The following CDH13 variants were observed in gnomAD, a reference collection of about 807,000 sequenced individuals.
The protein encoded by CDH13 is cadherin-13.
In CDH13, 24 loss-of-function variants were observed where a neutral mutation model predicts 63.8. The observed-to-expected ratio is 0.38, with a 90% CI of 0.27 to 0.53. CDH13 has a LOEUF of 0.53. Ranked by LOEUF, CDH13 falls within the 20% of genes least tolerant of loss-of-function variation. The pLI is 0.85. For missense variants in CDH13, 1,049 were observed against 903.1 expected, an observed-to-expected ratio of 1.16 and a Z score of -2.07; for synonymous variants, 503 against 355.3, an observed-to-expected ratio of 1.42 and a Z score of -4.67.
chr16:83,276,130 C>A (rs966976704), intron 5 of CDH13, among the ~76,000 whole-genome samples: 1 of 152,164 alleles, frequency 6.6e-6, no homozygotes, highest in African/African-American at 2.4e-5. Context: ...AAACTCGCCC[C>A]ACACTCTCAG....
chr16:83,129,955 G>C (rs2035978187), intron 4 of CDH13, among the ~76,000 whole-genome samples: 1 of 152,136 alleles, frequency 6.6e-6, no homozygotes, highest in Admixed American at 6.5e-5. Flanking sequence ...GAAACCCCCT[G>C]TACTTGCCTC....
chr16:83,501,024 C>G (rs895221312), intron 7 of CDH13, among the ~76,000 whole-genome samples: 13 of 152,186 alleles, frequency 8.5e-5, no homozygotes, highest in African/African-American at 2.9e-4. Flanking sequence ...TAAGTCTTGT[C>G]AAAACATTCC....
chr16:83,619,354 A>G lies in CDH13; in HGVS notation c.1101+16760A>G, dbSNP rs145669665. On this transcript the variant is annotated intron_variant, in intron 8 of 13. Transcript: ENST00000567109. ...GAGGGTAAAGTCATAACAGAGGGGG[A>G]CTGCGAGGGCACTTGGCATGGAGCT... 3.9e-5 allele frequency among the ~76,000 whole-genome samples: 6 copies of G among 152,234 alleles called. No individual in the cohort carries two copies. In the East Asian group the frequency reaches 1.2e-3, roughly 29 times the overall value.
chr16:83,729,811 A>G (rs566757242), intron 10 of CDH13, among the ~76,000 whole-genome samples: 16 of 152,356 alleles, frequency 1.1e-4, no homozygotes, highest in Admixed American at 8.5e-4. Flanking sequence ...AACTGCCACT[A>G]GCATTCCCTT....
chr16:83,400,499 A>G (rs2091952286), intron 6 of CDH13, among the ~76,000 whole-genome samples: 1 of 152,224 alleles, frequency 6.6e-6, no homozygotes, highest in African/African-American at 2.4e-5. Flanking sequence ...TCCTGAACTC[A>G]TGCAATTTGG....
Position 83,731,219 on chromosome 16 carries a change from A to C in CDH13, c.1539-16889A>C, listed in dbSNP as rs1911009206. ...TGAGTCAAATGGTAGTTCTGTTCTA[A>C]GTTCTTTGAGAAATCTCCAAACTGC... On this transcript the variant is annotated intron_variant, in intron 10 of 13. Transcript: ENST00000567109. Among the ~76,000 whole-genome samples the C allele has an allele frequency of 2.0e-5, 3 of 152,336 alleles. No individual in the cohort carries two copies. In the South Asian group the frequency reaches 6.2e-4, roughly 32 times the overall value.
At chr16:83,154,712 A>G (rs2037135549) in intron 4 of CDH13, among the ~76,000 whole-genome samples, 1 of 152,212 alleles carries the variant, frequency 6.6e-6, no homozygotes, top group African/African-American at 2.4e-5. Flanking sequence ...GAAAAAATTA[A>G]TTAGACACAG....
chr16:82,784,796 C>T (rs1206802929), intron 1 of CDH13, among the ~76,000 whole-genome samples: 2 of 152,114 alleles, frequency 1.3e-5, no homozygotes, highest in Non-Finnish European at 2.9e-5. Context: ...CAGGCAGATG[C>T]ACAGCAGGGT....
At chr16:83,228,319 CA>C (rs1443015692) in intron 5 of CDH13, among the ~76,000 whole-genome samples, 1 of 152,216 alleles carries the variant, frequency 6.6e-6, no homozygotes. Flanking sequence ...CCGTGCTCTG[CA>C]GGCTCCTTGC....
chr16:82,877,956 C>G (rs1174044595), intron 2 of CDH13, among the ~76,000 whole-genome samples: 3 of 100,082 alleles, frequency 3.0e-5, no homozygotes, highest in Admixed American at 1.4e-4. Context: ...CACACACACA[C>G]ACACATATAC....
At chr16:83,048,482 T>C (rs1918000332) in intron 3 of CDH13, among the ~76,000 whole-genome samples, 1 of 152,194 alleles carries the variant, frequency 6.6e-6, no homozygotes, top group Non-Finnish European at 1.5e-5. Context: ...CTTTAATTTA[T>C]TGCTCTTCAC....
intron 7 of CDH13, among the ~76,000 whole-genome samples, chr16:83,558,050 C>T (rs1164455002): frequency 1.3e-5 from 2 of 152,102 alleles, no homozygotes; most frequent in Non-Finnish European, 2.9e-5. Flanking sequence ...ATAAAAAGGG[C>T]ACCCAGCAAT....
chr16:83,077,246 A>T (rs764410620), intron 3 of CDH13, among the ~76,000 whole-genome samples: 56 of 126,812 alleles, frequency 4.4e-4, no homozygotes, highest in Non-Finnish European at 7.5e-4. Context: ...AGGCTGGAGA[A>T]CAGTGATGCA....
At chr16:83,499,041 G>A (rs1159457475) in intron 7 of CDH13, among the ~76,000 whole-genome samples, 1 of 152,150 alleles carries the variant, frequency 6.6e-6, no homozygotes, top group African/African-American at 2.4e-5. Flanking sequence ...TTTTGATGCA[G>A]AAGTTTCTTG....
chr16:82,819,335 G>A (rs918092027), intron 1 of CDH13, among the ~76,000 whole-genome samples: 1 of 152,190 alleles, frequency 6.6e-6, no homozygotes, highest in Non-Finnish European at 1.5e-5. Flanking sequence ...GCCAGGGACA[G>A]TGACACAGAT....
chr16:82,838,203 C>G (rs191208948), intron 1 of CDH13, among the ~76,000 whole-genome samples: 155 of 152,306 alleles, frequency 1.0e-3, no homozygotes, highest in Non-Finnish European at 1.9e-3. Context: ...TCACTGAGTT[C>G]TAATTTCTCT....
intron 7 of CDH13, among the ~76,000 whole-genome samples, chr16:83,503,694 G>T (rs1199935792): frequency 6.6e-6 from 1 of 152,172 alleles, no homozygotes; most frequent in Non-Finnish European, 1.5e-5. Context: ...GAAGTGTCTT[G>T]AGAAGTTTCT....
intron 2 of CDH13, among the ~76,000 whole-genome samples, chr16:82,989,092 A>G (rs1911331853): frequency 6.6e-6 from 1 of 152,238 alleles, no homozygotes; most frequent in South Asian, 2.1e-4. Flanking sequence ...TTACACAGAG[A>G]AAATGAACTT....
At chr16:82,944,163 AG>A (rs1430533392) in intron 2 of CDH13, among the ~76,000 whole-genome samples, 3 of 152,220 alleles carry the variant, frequency 2.0e-5, no homozygotes, top group Non-Finnish European at 4.4e-5. Flanking sequence ...TGAGAATACA[AG>A]GCAAACCACA....
Sources: allele counts gnomAD v4.1 joint callset (sites outside exome capture counted in the v4.1 genomes callset), GRCh38; gene constraint gnomAD v4.1.1; transcripts MANE v1.5; gene names NCBI Gene and HGNC (gene_info 2026-07-23, HGNC 2026-07-21).